The following TRRAP variants were observed in gnomAD, a reference collection of about 807,000 sequenced individuals.
TRRAP encodes transformation/transcription domain-associated protein.
In TRRAP, 41 loss-of-function variants were observed where a neutral mutation model predicts 438.8. That is an observed-to-expected ratio of 0.09 (90% CI 0.07 to 0.12). TRRAP has a LOEUF of 0.12. TRRAP is among the 10% of genes least tolerant of loss of function. The pLI is 1.00. For synonymous variants in TRRAP, 1,994 were observed against 1,962.9 expected, an observed-to-expected ratio of 1.02 and a Z score of -0.42; for missense variants, 3,122 against 5,055.1, an observed-to-expected ratio of 0.62 and a Z score of 11.60.
Position 98,892,902 on chromosome 7 carries a change from C to T in TRRAP, c.366+374C>T, listed in dbSNP as rs190885548. 7.9e-5 allele frequency among the ~76,000 whole-genome samples: 12 copies of T among 152,288 alleles called. No homozygotes were observed. In the East Asian group the frequency reaches 2.3e-3, roughly 29 times the overall value. On this transcript the variant is annotated intron_variant, in intron 5 of 72. Transcript: ENST00000456197. Reference sequence around the variant, plus strand: ...ATGCTCATAAAGAGTATCTCACATCCTTGGGGTGAATCCATCTGGTACCTC... The same window carrying T: ...ATGCTCATAAAGAGTATCTCACATCTTTGGGGTGAATCCATCTGGTACCTC...
intron 31 of TRRAP, among the ~76,000 whole-genome samples, chr7:98,945,370 TTTG>T (rs1394481118): frequency 6.6e-6 from 1 of 152,204 alleles, no homozygotes; most frequent in Non-Finnish European, 1.5e-5. Context: ...GAAAGAGGTT[TTTG>T]TTATTTTTTA....
At chr7:98,919,632 G>A (rs965919053) in intron 20 of TRRAP, among the ~76,000 whole-genome samples, 10 of 152,176 alleles carry the variant, frequency 6.6e-5, no homozygotes, top group African/African-American at 1.7e-4. Context: ...GATGGCATAG[G>A]CCGTGGGTCA....
intron 39 of TRRAP, 82 bp from the exon 40 acceptor site, chr7:98,953,083 TTA>T: frequency 1.0e-6 from 1 of 956,596 alleles, no homozygotes; most frequent in Non-Finnish European, 1.6e-6. Flanking sequence ...GTGTGTGTTT[TTA>T]AGGCTTAAAC....
chr7:98,963,908 C>T lies in TRRAP; in HGVS notation c.6830-721C>T, dbSNP rs187652899. 5.4e-3 allele frequency among the ~76,000 whole-genome samples: 819 copies of T among 151,884 alleles called. 3 individuals are homozygous for T. Among genetic ancestry groups the T allele is most frequent in the African/African-American group, 0.017 (724 of 41,404 alleles). ...CCAGCCTGGCCAACATGGTGAAACCCCGTCTCTACTAAAAATACAAAAATT... is the reference window on the plus strand; with the variant it reads ...CCAGCCTGGCCAACATGGTGAAACCTCGTCTCTACTAAAAATACAAAAATT... On this transcript the variant is annotated intron_variant, in intron 47 of 72. Transcript: ENST00000456197.
intron 50 of TRRAP, 84 bp downstream of exon 50, chr7:98,967,246 ATCT>A: frequency 1.5e-5 from 22 of 1,511,890 alleles, no homozygotes; most frequent in Non-Finnish European, 2.0e-5. Context: ...CATGATTTTA[ATCT>A]TTTACTCATA....
At chr7:98,884,122 C>T (rs557318156) in intron 3 of TRRAP, among the ~76,000 whole-genome samples, 20 of 152,246 alleles carry the variant, frequency 1.3e-4, no homozygotes, top group African/African-American at 4.6e-4. Context: ...TAGCTGGATG[C>T]GTGAGGTCTG....
intron 21 of TRRAP, among the ~76,000 whole-genome samples, 176 bp from the exon 22 acceptor site, chr7:98,924,936 A>G (rs985040423): frequency 7.2e-5 from 11 of 151,834 alleles, no homozygotes; most frequent in East Asian, 1.9e-4. Context: ...CCCGGGAGGC[A>G]GAGCTTGCAG....
Position 98,948,273 on chromosome 7 carries a change from C to T in TRRAP, c.4601C>T (p.Ala1534Val). Residue 1534 changes from alanine (A) to valine (V), a missense_variant, in exon 34 of 73, where the codon GCT becomes GTT. By Grantham distance (64) the Ala-to-Val change is moderately conservative. Around this residue, in one of 24 missense-constraint regions of TRRAP, gnomAD observed 108 missense variants for 256.9 expected, o/e 0.42. Transcript: ENST00000456197. This position sits in a 1 kb window ranked among gnomAD's most constrained non-coding sequence, Gnocchi z 4.9. ...IINLFHLIPA[A>V]PQTLVKPLLE... Reference sequence around the variant, plus strand: ...AACCTTTTTCATCTGATCCCGGCTGCTCCTCAGACACTGGTGAAGCCTTTG... The same window carrying T: ...AACCTTTTTCATCTGATCCCGGCTGTTCCTCAGACACTGGTGAAGCCTTTG... 6.2e-7 allele frequency: 1 copy of T among 1,614,210 alleles called. No homozygotes were observed. The highest frequency in any genetic ancestry group is 8.5e-7 in the Non-Finnish European group (1 of 1,180,048).
In TRRAP at chr7:98,976,888, G is replaced by A. The variant is rs1562968226; in HGVS notation, c.8248-51G>A. Reference sequence around the variant, plus strand: ...GCACAGTGAAACTATTTTTAGGGGGGAAAAAAAGTCTCTGTCTCAAGCACT... The same window carrying A: ...GCACAGTGAAACTATTTTTAGGGGGAAAAAAAAGTCTCTGTCTCAAGCACT... On this transcript the variant is annotated intron_variant, in intron 55 of 72. Transcript: ENST00000456197. This position sits in a 1 kb window ranked among gnomAD's most constrained non-coding sequence, Gnocchi z 4.6. 1.2e-6 allele frequency: 2 copies of A among 1,605,330 alleles called. No individual in the cohort carries two copies. The highest frequency in any genetic ancestry group is 1.7e-5 in the Admixed American group (1 of 58,752).
At chr7:98,898,024 G>A (rs1195546145) in intron 8 of TRRAP, among the ~76,000 whole-genome samples, 158 bp downstream of exon 8, 1 of 152,186 alleles carries the variant, frequency 6.6e-6, no homozygotes, top group African/African-American at 2.4e-5. Flanking sequence ...CCTGGGAGGG[G>A]TGAAAGTGAC....
chr7:98,924,987 A>G (rs896873155), intron 21 of TRRAP, 125 bp from the exon 22 acceptor site: 10 of 1,313,004 alleles, frequency 7.6e-6, no homozygotes, highest in African/African-American at 1.5e-5. Context: ...CCCAGGCGAC[A>G]GAGCGAGACT....
chr7:98,899,540 T>C, intron 9 of TRRAP, 41 bp downstream of exon 9: 1 of 1,611,026 alleles, frequency 6.2e-7, no homozygotes, highest in Non-Finnish European at 8.5e-7. Flanking sequence ...TTTGGGCTTC[T>C]TATAAGAAAA....
At chr7:98,973,411 C>G (rs768321127) in intron 53 of TRRAP, among the ~76,000 whole-genome samples, 3 of 152,200 alleles carry the variant, frequency 2.0e-5, no homozygotes, top group Non-Finnish European at 4.4e-5. Flanking sequence ...GCCTCAGCTC[C>G]TGGTGCGAGT....
rs1382898288 is a variant in TRRAP, at chr7:98,946,119, C to T, written c.4548+169C>T. The stretch of plus-strand genomic sequence containing the variant: ...GTTGTATCAGTATCATTGCTGTGAA[C>T]TGTCTGATGCCAAGCATGTTTTCTA... On this transcript the variant is annotated intron_variant, in intron 33 of 72. Transcript: ENST00000456197. Among the ~76,000 whole-genome samples, 3 of 152,160 alleles carry T rather than the reference C, an allele frequency of 2.0e-5. No individual in the cohort carries two copies. The East Asian group carries it at 5.8e-4, about 29-fold the overall frequency.
intron 29 of TRRAP, 70 bp downstream of exon 29, chr7:98,937,347 A>C (rs1214367938): frequency 6.5e-7 from 1 of 1,547,138 alleles, no homozygotes; most frequent in East Asian, 2.3e-5. Flanking sequence ...CTGCATTAAG[A>C]GTTCTTCCTG....
At chr7:98,882,650 A>G (rs565210450) in intron 3 of TRRAP, among the ~76,000 whole-genome samples, 1 of 147,196 alleles carries the variant, frequency 6.8e-6, no homozygotes, top group African/African-American at 2.5e-5. Context: ...GGCGTGAGCC[A>G]CCTCACCTGG....
chr7:99,001,700 GT>G (rs1562980056), intron 67 of TRRAP, among the ~76,000 whole-genome samples: 2 of 152,096 alleles, frequency 1.3e-5, no homozygotes, highest in East Asian at 3.9e-4. Flanking sequence ...TCTGTGTTCC[GT>G]TCGTGGAATG....
At chr7:98,977,795 A>T (rs1792733832) in intron 56 of TRRAP, among the ~76,000 whole-genome samples, 1 of 152,184 alleles carries the variant, frequency 6.6e-6, no homozygotes, top group Non-Finnish European at 1.5e-5. Flanking sequence ...TCCTGCTCCG[A>T]TTACTAAAGG....
chr7:98,924,385 G>C (rs1412555428), intron 21 of TRRAP, among the ~76,000 whole-genome samples: 1 of 152,196 alleles, frequency 6.6e-6, no homozygotes, highest in Non-Finnish European at 1.5e-5. Flanking sequence ...TGTACCCACT[G>C]TGCTCTCTTC....
Sources: allele counts gnomAD v4.1 joint callset (sites outside exome capture counted in the v4.1 genomes callset), GRCh38; gene constraint gnomAD v4.1.1; regional missense constraint gnomAD v4.1.1; non-coding constraint Gnocchi (gnomAD v3.1); transcripts MANE v1.5; gene names NCBI Gene and HGNC (gene_info 2026-07-23, HGNC 2026-07-21).